FHIP1A: variants seen among roughly 807,000 people sequenced by gnomAD.
The protein encoded by FHIP1A is FHF complex subunit HOOK-interacting protein 1A.
Under a neutral mutation model 88.6 loss-of-function variants are expected in FHIP1A, and 61 were observed. The observed-to-expected ratio is 0.69, with a 90% CI of 0.56 to 0.85. FHIP1A has a LOEUF of 0.85. Among genes scored for constraint, FHIP1A ranks in the 40% least tolerant of loss-of-function variants. FHIP1A has a pLI of 0.00. For missense variants in FHIP1A, 1,154 were observed against 1,273.5 expected (o/e 0.91, Z 1.43); for synonymous variants, 478 against 496.0 (o/e 0.96, Z 0.48).
At chr4:151,532,565 A>C (rs1731916717) in intron 3 of FHIP1A, among the ~76,000 whole-genome samples, 1 of 152,158 alleles carries the variant, frequency 6.6e-6, no homozygotes, top group South Asian at 2.1e-4. Context: ...TTATGTCCTA[A>C]AGCTAGGTAA....
chr4:151,626,599 G>T (rs575332511), intron 7 of FHIP1A, among the ~76,000 whole-genome samples: 1 of 152,292 alleles, frequency 6.6e-6, no homozygotes, highest in South Asian at 2.1e-4. Context: ...ACATTCTTAA[G>T]CTTTAGTATC....
chr4:151,667,243 GTT>G lies in FHIP1A; in HGVS notation c.*4490_*4491del, dbSNP rs1737698139. 1 of 152,168 alleles carries G rather than the reference GTT, an allele frequency of 6.6e-6. No homozygotes were observed. The highest frequency in any genetic ancestry group is 2.4e-5 in the African/African-American group (1 of 41,410). The allele number at this position is 152,168 out of a possible 1,614,324, so 9.4% of individuals were successfully genotyped here. ...ATTAGGAAGATATTCTAGGCCCCTT[GTT>G]GCTTCAGCCATCAGTCTATAAATAA... is the stretch of plus-strand genomic sequence containing the variant. On this transcript the variant is annotated 3_prime_UTR_variant, in exon 14 of 14. Coordinates refer to ENST00000435205, the MANE Select transcript of FHIP1A (RefSeq NM_001109977.3).
chr4:151,462,810 T>A (rs10454251), intron 2 of FHIP1A, among the ~76,000 whole-genome samples: 1 of 151,974 alleles, frequency 6.6e-6, no homozygotes, highest in Admixed American at 6.5e-5. Context: ...AAATGCAAGC[T>A]GGTTACTTTC....
chr4:151,623,209 C>A (rs1735814316), intron 7 of FHIP1A, among the ~76,000 whole-genome samples: 1 of 152,202 alleles, frequency 6.6e-6, no homozygotes, highest in African/African-American at 2.4e-5. Flanking sequence ...GGATTAGAAT[C>A]AGGTTTAGAT....
chr4:151,514,985 G>A (rs934441987), intron 3 of FHIP1A, among the ~76,000 whole-genome samples: 1 of 152,084 alleles, frequency 6.6e-6, no homozygotes, highest in African/African-American at 2.4e-5. Context: ...ACCAAAGCCA[G>A]GCAGAGACAC....
chr4:151,507,571 A>T (rs974365415), intron 3 of FHIP1A, among the ~76,000 whole-genome samples: 1 of 152,186 alleles, frequency 6.6e-6, no homozygotes, highest in Non-Finnish European at 1.5e-5. Context: ...TAATTTTCAT[A>T]TCATTATACA....
chr4:151,595,605 G>A (rs544913352), intron 7 of FHIP1A, among the ~76,000 whole-genome samples: 1 of 152,262 alleles, frequency 6.6e-6, no homozygotes, highest in African/African-American at 2.4e-5. Context: ...TCATTGATCT[G>A]TCTAATATTG....
chr4:151,444,759 G>A (rs138603467), intron 1 of FHIP1A, among the ~76,000 whole-genome samples: 17 of 152,204 alleles, frequency 1.1e-4, no homozygotes, highest in African/African-American at 3.9e-4. Context: ...TATTCATGAA[G>A]CCATATTTTA....
intron 3 of FHIP1A, among the ~76,000 whole-genome samples, chr4:151,525,940 T>A (rs1731615250): frequency 6.6e-6 from 1 of 151,816 alleles, no homozygotes; most frequent in Non-Finnish European, 1.5e-5. Flanking sequence ...GTACTTGAGA[T>A]TAGGGAGTGG....
intron 7 of FHIP1A, 136 bp downstream of exon 7, chr4:151,589,062 A>G (rs1262937265): frequency 7.5e-6 from 5 of 666,970 alleles, no homozygotes; most frequent in East Asian, 2.7e-5. Flanking sequence ...TTTCTTAGCA[A>G]TATCAAACAC....
intron 3 of FHIP1A, among the ~76,000 whole-genome samples, chr4:151,515,942 A>T (rs2126685140): frequency 6.6e-6 from 1 of 152,338 alleles, no homozygotes. Flanking sequence ...AGAATTGGAA[A>T]AAACTACTTT....
intron 7 of FHIP1A, among the ~76,000 whole-genome samples, chr4:151,623,777 C>T (rs1004786662): frequency 3.3e-5 from 5 of 152,240 alleles, no homozygotes; most frequent in Middle Eastern, 6.8e-3. Flanking sequence ...TTGTGTAGCT[C>T]CAAAGCCTCT....
At chr4:151,501,547 TAATC>T (rs1165093242) in intron 3 of FHIP1A, among the ~76,000 whole-genome samples, 15 of 151,870 alleles carry the variant, frequency 9.9e-5, no homozygotes, top group Non-Finnish European at 2.9e-5. Context: ...ATTTCTTTGA[TAATC>T]AAAGAAATTT....
At chr4:151,475,334 T>A (rs944466221) in intron 2 of FHIP1A, among the ~76,000 whole-genome samples, 1 of 152,162 alleles carries the variant, frequency 6.6e-6, no homozygotes, top group Non-Finnish European at 1.5e-5. Flanking sequence ...ATTTTCCACA[T>A]GTGAATATAT....
At chr4:151,506,133 G>T (rs537898916) in intron 3 of FHIP1A, among the ~76,000 whole-genome samples, 1 of 152,022 alleles carries the variant, frequency 6.6e-6, no homozygotes, top group Non-Finnish European at 1.5e-5. Context: ...CGTTGCCCAG[G>T]CTGGCCTCTA....
At position 151,601,354 on chromosome 4, in the gene FHIP1A, C is replaced by T. The variant is rs1734860574; in HGVS notation, c.978+12428C>T. Among the ~76,000 whole-genome samples, 4 of 151,874 alleles carry T rather than the reference C, an allele frequency of 2.6e-5. No homozygotes were observed. In the South Asian group the frequency reaches 8.3e-4, roughly 32 times the overall value. On this transcript the variant is annotated intron_variant, in intron 7 of 13. Transcript: ENST00000435205. The stretch of plus-strand genomic sequence containing the variant: ...ATTTAGAGGGGCCGTTGGAAGCCAT[C>T]AGCATGCTTATTTACCAGTATCAGC...
At chr4:151,412,580 T>TTCCTTCCTTCCTTCCTTCCTTCCTTCC (rs1199098736) in intron 1 of FHIP1A, among the ~76,000 whole-genome samples, 1 of 113,358 alleles carries the variant, frequency 8.8e-6, no homozygotes, top group South Asian at 2.8e-4. Flanking sequence ...CTTTCTTTCC[T>TTCCTTCCTTCCTTCCTTCCTTCCTTCC]TTCTTTCCTT....
At chr4:151,481,134 T>G (rs1161555239) in intron 2 of FHIP1A, among the ~76,000 whole-genome samples, 1 of 152,052 alleles carries the variant, frequency 6.6e-6, no homozygotes, top group Non-Finnish European at 1.5e-5. Context: ...TACCTATTAT[T>G]TGTAACTATA....
intron 7 of FHIP1A, among the ~76,000 whole-genome samples, chr4:151,594,305 C>T (rs973239415): frequency 6.6e-6 from 1 of 152,120 alleles, no homozygotes; most frequent in African/African-American, 2.4e-5. Flanking sequence ...GGAATAGTTT[C>T]AGAAGGAATG....
Sources: allele counts gnomAD v4.1 joint callset (sites outside exome capture counted in the v4.1 genomes callset), GRCh38; gene constraint gnomAD v4.1.1; transcripts MANE v1.5; gene names NCBI Gene and HGNC (gene_info 2026-07-23, HGNC 2026-07-21).